Variants in KATNIP observed in about 807,000 individuals in gnomAD.
The protein encoded by KATNIP is katanin-interacting protein.
Under a neutral mutation model 174.0 loss-of-function variants are expected in KATNIP, and 126 were observed. That is an observed-to-expected ratio of 0.72 (90% CI 0.63 to 0.84). KATNIP has a LOEUF of 0.84. Among genes scored for constraint, KATNIP ranks in the 40% least tolerant of loss-of-function variants. The probability of loss-of-function intolerance (pLI) is 0.00; values close to 1 mark genes in which losing one functional copy is unlikely to be tolerated. For missense variants in KATNIP, 1,958 were observed against 2,109.7 expected, an observed-to-expected ratio of 0.93 and a Z score of 1.41; for synonymous variants, 810 against 835.7, an observed-to-expected ratio of 0.97 and a Z score of 0.53.
intron 14 of KATNIP, among the ~76,000 whole-genome samples, chr16:27,734,855 A>G (rs1430646792): frequency 1.3e-5 from 2 of 152,216 alleles, no homozygotes; most frequent in Admixed American, 6.5e-5. Context: ...CATGCCAGCC[A>G]TAGTGGCTTA....
At chr16:27,673,866 A>G (rs1228195186) in intron 6 of KATNIP, among the ~76,000 whole-genome samples, 1 of 152,202 alleles carries the variant, frequency 6.6e-6, no homozygotes, top group Non-Finnish European at 1.5e-5. Flanking sequence ...GTCACCTCCA[A>G]GGTACATGAG....
chr16:27,775,128 G>C, intron 24 of KATNIP, 44 bp downstream of exon 24: 1 of 1,585,836 alleles, frequency 6.3e-7, no homozygotes, highest in Non-Finnish European at 8.5e-7. Context: ...GCCCTCAGGC[G>C]GGCAGGGGGA....
intron 6 of KATNIP, among the ~76,000 whole-genome samples, chr16:27,668,734 G>A (rs1320331749): frequency 1.3e-5 from 2 of 152,194 alleles, no homozygotes; most frequent in African/African-American, 4.8e-5. Flanking sequence ...GGCTGGGTGT[G>A]GTGGTTCATG....
Position 27,747,978 on chromosome 16 carries a change from C to G in KATNIP, c.2624-1606C>G, listed in dbSNP as rs561422070. Among the ~76,000 whole-genome samples, 10 of 152,200 alleles carry G rather than the reference C, an allele frequency of 6.6e-5. No homozygotes were observed. In the East Asian group the frequency reaches 1.5e-3, roughly 24 times the overall value. On this transcript the variant is annotated intron_variant, in intron 15 of 27. Coordinates refer to ENST00000261588, the MANE Select transcript of KATNIP (RefSeq NM_015202.5). ...AGAGGAGATAATTGATGGAGCCGAG[C>G]CCCCTAGGAGACAGGCAGGAAATGG...
chr16:27,757,049 C>T (rs2081759441), intron 18 of KATNIP, among the ~76,000 whole-genome samples: 1 of 152,202 alleles, frequency 6.6e-6, no homozygotes, highest in African/African-American at 2.4e-5. Context: ...TAGCTTGAGT[C>T]ATGTACCCAT....
At chr16:27,711,147 A>G (rs2079554788) in intron 13 of KATNIP, among the ~76,000 whole-genome samples, 1 of 152,116 alleles carries the variant, frequency 6.6e-6, no homozygotes, top group Non-Finnish European at 1.5e-5. Context: ...CCAGGAGAGG[A>G]TGGGCCTTGG....
chr16:27,603,530 C>G (rs2075602752), intron 2 of KATNIP, among the ~76,000 whole-genome samples: 1 of 152,100 alleles, frequency 6.6e-6, no homozygotes, highest in Non-Finnish European at 1.5e-5. Flanking sequence ...CTCTCGGAGC[C>G]CTGAGCCCCA....
At position 27,552,493 on chromosome 16, in the gene KATNIP, A is replaced by C. The variant is rs1232375237; in HGVS notation, c.7+2316A>C. 2.1e-5 allele frequency among the ~76,000 whole-genome samples: 3 copies of C among 143,274 alleles called. No individual in the cohort carries two copies. In the South Asian group the frequency reaches 6.7e-4, roughly 32 times the overall value. The allele number at this position is 143,274 out of a possible 152,430, so 94.0% of individuals were successfully genotyped here. A position where few individuals can be genotyped will look rare whatever the true frequency, so the allele number is the denominator to read the frequency against. On this transcript the variant is annotated intron_variant, in intron 1 of 27. Coordinates refer to ENST00000261588, the MANE Select transcript of KATNIP (RefSeq NM_015202.5). ...GGGTTCAAGCGATTCTCCTGCCTCA[A>C]CCTCCCGAGTAGCTGGGATCACAGG... is the stretch of plus-strand genomic sequence containing the variant.
rs189370749 is a variant in KATNIP at position 27,593,617 on chromosome 16, G to A, written c.63+19661G>A. On this transcript the variant is annotated intron_variant, in intron 2 of 27. Coordinates refer to ENST00000261588, the MANE Select transcript of KATNIP (RefSeq NM_015202.5). The stretch of plus-strand genomic sequence containing the variant: ...CATGATCATAACTCACTGCAGCCTC[G>A]ACCTCCCAGGCCAAGCGATCCTCCT... Among the ~76,000 whole-genome samples the A allele has an allele frequency of 2.3e-4, 35 of 151,766 alleles. 1 individual carries two copies. Among genetic ancestry groups the A allele is most frequent in the Admixed American group, 6.6e-4 (10 of 15,230 alleles).
Position 27,776,981 on chromosome 16 carries a change from A to G in KATNIP, c.4503A>G (p.Lys1501=). The change falls in exon 25 of 28, where the codon AAA becomes AAG. Residue 1501 remains lysine (K), a synonymous_variant. Coordinates refer to ENST00000261588, the MANE Select transcript of KATNIP (RefSeq NM_015202.5). The surrounding 1 kb of genome is among the most constrained non-coding windows in gnomAD (Gnocchi z 4.7). ...TGCCTACCACCGTGTCAATGATCAAACTGTGGAATTATGCGAAAACACCCC... is the reference window on the plus strand; with the variant it reads ...TGCCTACCACCGTGTCAATGATCAAGCTGTGGAATTATGCGAAAACACCCC... ...FDLPTTVSMI[K]LWNYAKTPHR... is the part of the protein sequence containing the mutation. The G allele has an allele frequency of 6.2e-7, 1 of 1,614,056 alleles. No homozygotes were observed. Among genetic ancestry groups the G allele is most frequent in the Non-Finnish European group, 8.5e-7 (1 of 1,179,910 alleles).
At chr16:27,621,184 G>A (rs979919423) in intron 3 of KATNIP, among the ~76,000 whole-genome samples, 6 of 152,170 alleles carry the variant, frequency 3.9e-5, no homozygotes, top group Middle Eastern at 3.4e-3. Flanking sequence ...TTAGGAGGCT[G>A]AGGTGGGAGG....
chr16:27,608,063 A>T (rs892803525), intron 2 of KATNIP, among the ~76,000 whole-genome samples: 2 of 152,108 alleles, frequency 1.3e-5, no homozygotes, highest in Non-Finnish European at 2.9e-5. Flanking sequence ...GCATTCACTC[A>T]TCAGCCCTGT....
chr16:27,609,275 G>C (rs948288639), intron 2 of KATNIP, among the ~76,000 whole-genome samples: 10 of 151,756 alleles, frequency 6.6e-5, no homozygotes, highest in African/African-American at 2.2e-4. Flanking sequence ...TGTTAGTGCA[G>C]GGAGGGACAC....
chr16:27,686,662 C>T (rs62029137), intron 8 of KATNIP, among the ~76,000 whole-genome samples: 3,404 of 151,984 alleles, frequency 0.022, 61 homozygotes, highest in Middle Eastern at 0.045. Context: ...GTTTCTCTTT[C>T]TCTCCTTTCT....
At chr16:27,597,172 A>G (rs1305847261) in intron 2 of KATNIP, among the ~76,000 whole-genome samples, 1 of 152,118 alleles carries the variant, frequency 6.6e-6, no homozygotes, top group Non-Finnish European at 1.5e-5. Flanking sequence ...TAGCCTGGGC[A>G]ACAGAGTGAG....
At chr16:27,570,429 T>C (rs2090245293) in intron 1 of KATNIP, among the ~76,000 whole-genome samples, 1 of 151,938 alleles carries the variant, frequency 6.6e-6, no homozygotes, top group African/African-American at 2.4e-5. Context: ...TAGCCAGGCA[T>C]GGTGGTGGGC....
intron 5 of KATNIP, 62 bp downstream of exon 5, chr16:27,631,224 AG>A: frequency 7.7e-7 from 1 of 1,296,362 alleles, no homozygotes; most frequent in Non-Finnish European, 1.1e-6. Flanking sequence ...CTGTGGGAAT[AG>A]AAATACAATC....
chr16:27,634,029 T>A (rs1262003754), intron 5 of KATNIP, among the ~76,000 whole-genome samples: 7 of 152,238 alleles, frequency 4.6e-5, no homozygotes, highest in Non-Finnish European at 8.8e-5. Flanking sequence ...AGGCCTTTCT[T>A]CACTTCTCAC....
At chr16:27,588,469 T>TTTTTG (rs773855206) in intron 2 of KATNIP, among the ~76,000 whole-genome samples, 29 of 152,124 alleles carry the variant, frequency 1.9e-4, no homozygotes, top group East Asian at 1.4e-3. Flanking sequence ...TTTTGACTGT[T>TTTTTG]TTTTGTTTTG....
Sources: allele counts gnomAD v4.1 joint callset (sites outside exome capture counted in the v4.1 genomes callset), GRCh38; gene constraint gnomAD v4.1.1; non-coding constraint Gnocchi (gnomAD v3.1); transcripts MANE v1.5; gene names NCBI Gene and HGNC (gene_info 2026-07-23, HGNC 2026-07-21).